TALDO1: variants seen among roughly 807,000 people sequenced by gnomAD.
TALDO1 encodes the protein transaldolase.
Under a neutral mutation model 38.1 loss-of-function variants are expected in TALDO1, and 29 were observed. That is an observed-to-expected ratio of 0.76 (90% CI 0.57 to 1.04). The LOEUF is 1.04. Ranked by LOEUF, TALDO1 falls within the 50% of genes least tolerant of loss-of-function variation. TALDO1 has a pLI of 0.00. For missense variants in TALDO1, 499 were observed against 438.1 expected (o/e 1.14, Z -1.24); for synonymous variants, 207 against 176.8 (o/e 1.17, Z -1.36).
At chr11:758,726 T>G (rs557301276) in intron 2 of TALDO1, among the ~76,000 whole-genome samples, 14 of 152,066 alleles carry the variant, frequency 9.2e-5, no homozygotes, top group African/African-American at 3.4e-4. Context: ...TGCCTCAGCC[T>G]CCCTAGTAAC....
chr11:753,016 G>T (rs938823575), intron 1 of TALDO1, among the ~76,000 whole-genome samples: 1 of 152,148 alleles, frequency 6.6e-6, no homozygotes, highest in South Asian at 2.1e-4. Context: ...TGTTTGGTGC[G>T]TGGGGAGAAA....
intron 4 of TALDO1, among the ~76,000 whole-genome samples, chr11:762,449 A>G (rs1207929304): frequency 6.6e-6 from 1 of 152,100 alleles, no homozygotes; most frequent in Non-Finnish European, 1.5e-5. Flanking sequence ...CTATGAACAC[A>G]TCTGCTGCTC....
intron 1 of TALDO1, among the ~76,000 whole-genome samples, chr11:753,733 T>A (rs1454251867): frequency 6.8e-6 from 1 of 147,754 alleles, no homozygotes; most frequent in African/African-American, 2.5e-5. Context: ...CGGAAAAAAA[T>A]AAAAAATAAA....
chr11:750,302 T>C (rs944116298), intron 1 of TALDO1, among the ~76,000 whole-genome samples: 5 of 151,798 alleles, frequency 3.3e-5, no homozygotes, highest in Admixed American at 1.3e-4. Context: ...CTGCGCAACA[T>C]GGTAAAACCC....
intron 1 of TALDO1, 71 bp downstream of exon 1, chr11:747,649 G>T (rs1862684049): frequency 7.3e-7 from 1 of 1,361,318 alleles, no homozygotes; most frequent in African/African-American, 1.5e-5. Context: ...ATTTCCCCGG[G>T]TCTCCCGTTC....
rs888912072 is a variant in TALDO1, at chr11:760,188, T to C, written c.396T>C (p.Ala132=). The change falls in exon 4 of 8, where the codon GCT becomes GCC. Residue 132 remains alanine, a synonymous_variant. Coordinates refer to ENST00000319006, the MANE Select transcript of TALDO1 (RefSeq NM_006755.2). ...GGCTCATCGAGCTCTACAAGGAAGC[T>C]GGGATCAGCAAGGACCGAATTCTTA... The part of the protein sequence containing the change: ...ARRLIELYKE[A]GISKDRILIK... The C allele has an allele frequency of 8.1e-6, 13 of 1,614,224 alleles. No individual in the cohort carries two copies. The highest frequency in any genetic ancestry group is 1.1e-5 in the Non-Finnish European group (13 of 1,180,030).
At chr11:762,784 CT>C (rs1862961174) in intron 4 of TALDO1, among the ~76,000 whole-genome samples, 1 of 152,236 alleles carries the variant, frequency 6.6e-6, no homozygotes, top group South Asian at 2.1e-4. Flanking sequence ...GGCAAGTGGC[CT>C]AGTGAGGCCA....
At chr11:763,201 C>G in intron 4 of TALDO1, 143 bp from the exon 5 acceptor site, 2 of 188,956 alleles carry the variant, frequency 1.1e-5, no homozygotes, top group Non-Finnish European at 2.1e-5. Context: ...CCCGCCCTCA[C>G]CTGCCCCGCC....
At chr11:752,008 T>C (rs1398800467) in intron 1 of TALDO1, among the ~76,000 whole-genome samples, 2 of 152,118 alleles carry the variant, frequency 1.3e-5, no homozygotes, top group East Asian at 3.9e-4. Context: ...CCTTTCTCTC[T>C]TCAAGGGAGG....
intron 1 of TALDO1, 121 bp from the exon 2 acceptor site, chr11:755,758 C>A (rs1017790160): frequency 6.9e-7 from 1 of 1,459,346 alleles, no homozygotes; most frequent in Non-Finnish European, 9.4e-7. Flanking sequence ...GTGGCTGGAC[C>A]CCGCTTTCGG....
chr11:760,469 A>C, intron 4 of TALDO1: 1 of 644,190 alleles, frequency 1.6e-6, no homozygotes, highest in Non-Finnish European at 2.6e-6. Flanking sequence ...GAAATGAGGG[A>C]TTTCCCAGGA....
intron 1 of TALDO1, among the ~76,000 whole-genome samples, chr11:748,746 G>T (rs945027651): frequency 1.3e-5 from 2 of 152,198 alleles, no homozygotes; most frequent in African/African-American, 4.8e-5. Flanking sequence ...GCCACAGTCT[G>T]CTCCGGACCC....
chr11:753,266 T>A (rs1164605716), intron 1 of TALDO1, among the ~76,000 whole-genome samples: 1 of 151,152 alleles, frequency 6.6e-6, no homozygotes, highest in African/African-American at 2.4e-5. Context: ...GTGTGGTGGC[T>A]CACACCTGTA....
intron 7 of TALDO1, 112 bp from the exon 8 acceptor site, chr11:764,701 C>T: frequency 6.4e-7 from 1 of 1,556,636 alleles, no homozygotes; most frequent in Non-Finnish European, 8.9e-7. Context: ...GTGGCCCCCA[C>T]ACAGAGTGCA....
intron 2 of TALDO1, among the ~76,000 whole-genome samples, chr11:757,289 A>ATTT (rs555623617): frequency 7.4e-5 from 10 of 135,596 alleles, no homozygotes; most frequent in African/African-American, 2.3e-4. Context: ...ATGGCCCCAA[A>ATTT]TTTTTTTTTT....
At chr11:764,027 C>T in intron 6 of TALDO1, 83 bp downstream of exon 6, 1 of 1,527,130 alleles carries the variant, frequency 6.5e-7, no homozygotes, top group Non-Finnish European at 8.8e-7. Flanking sequence ...GTGATCCCTC[C>T]CACCTGTGGG....
rs138591878 is a variant in TALDO1 at position 755,856 on chromosome 11, G to C, written c.98-23G>C. ...GGAAGCAAGTACTCCACTTACTTTG[G>C]CTTTTGAAAACTATTTCCCTAGCCA... is the stretch of plus-strand genomic sequence containing the variant. On this transcript the variant is annotated intron_variant, in intron 1 of 7. Transcript: ENST00000319006. The C allele has an allele frequency of 2.1e-4, 331 of 1,614,076 alleles. 3 individuals are homozygous for C. The Middle Eastern group carries it at 3.3e-3, about 16-fold the overall frequency.
At chr11:755,726 C>A in intron 1 of TALDO1, 153 bp from the exon 2 acceptor site, 1 of 1,068,834 alleles carries the variant, frequency 9.4e-7, no homozygotes, top group Non-Finnish European at 1.4e-6. Flanking sequence ...CCTTCAGTGA[C>A]CCAGAAGAAG....
At position 763,529 on chromosome 11, in the gene TALDO1, C is replaced by A; in HGVS notation, c.637+10C>A. On this transcript the variant is annotated intron_variant, in intron 5 of 7. Transcript: ENST00000319006. Reference sequence around the variant, plus strand: ...CCCCTGGAAGACCCTGGTGAGGGTCCCTCTGTGGTAATGGGGTAAGGGGAG... The same window carrying A: ...CCCCTGGAAGACCCTGGTGAGGGTCACTCTGTGGTAATGGGGTAAGGGGAG... 1 of 1,613,346 alleles carries A rather than the reference C, an allele frequency of 6.2e-7. No homozygotes were observed.
Sources: allele counts gnomAD v4.1 joint callset (sites outside exome capture counted in the v4.1 genomes callset), GRCh38; gene constraint gnomAD v4.1.1; transcripts MANE v1.5; gene names NCBI Gene and HGNC (gene_info 2026-07-23, HGNC 2026-07-21).